Variants in CACNA2D3 observed in about 807,000 individuals in gnomAD.
CACNA2D3 encodes the protein calcium voltage-gated channel auxiliary subunit alpha2delta 3, also known as voltage-dependent calcium channel subunit alpha-2/delta-3.
Under a neutral mutation model 160.6 loss-of-function variants are expected in CACNA2D3, and 60 were observed. The ratio of observed to expected loss-of-function variants is 0.37; its 90% CI spans 0.30 to 0.46. The LOEUF (loss-of-function observed/expected upper bound fraction) is 0.46. Among genes scored for constraint, CACNA2D3 ranks in the 20% least tolerant of loss-of-function variants. The pLI, the probability that CACNA2D3 is intolerant of heterozygous loss-of-function variation, is 1.00. For synonymous variants in CACNA2D3, 558 were observed against 492.9 expected (o/e 1.13, Z -1.75); for missense variants, 1,205 against 1,365.0 (o/e 0.88, Z 1.85).
chr3:54,487,903 C>T (rs1005548130), intron 4 of CACNA2D3, among the ~76,000 whole-genome samples: 91 of 152,260 alleles, frequency 6.0e-4, no homozygotes, highest in African/African-American at 2.1e-3. Flanking sequence ...AGGTACAGAA[C>T]ATGCCCATCA....
At chr3:54,404,492 A>T (rs1699534776) in intron 4 of CACNA2D3, among the ~76,000 whole-genome samples, 1 of 152,184 alleles carries the variant, frequency 6.6e-6, no homozygotes, top group Non-Finnish European at 1.5e-5. Flanking sequence ...TCAGCATAAT[A>T]AAGTTCATTT....
intron 2 of CACNA2D3, among the ~76,000 whole-genome samples, chr3:54,309,491 C>T (rs557738849): frequency 6.6e-6 from 1 of 152,156 alleles, no homozygotes; most frequent in South Asian, 2.1e-4. Context: ...TCTTTTAATT[C>T]AGAACCTGAC....
In CACNA2D3 at chr3:54,393,354, CT is replaced by C. The variant is rs138304232; in HGVS notation, c.381+6581del. 2.2e-3 allele frequency among the ~76,000 whole-genome samples: 332 copies of C among 152,330 alleles called. 2 individuals are homozygous for C. Among genetic ancestry groups the C allele is most frequent in the African/African-American group, 7.1e-3 (297 of 41,582 alleles). On this transcript the variant is annotated intron_variant, in intron 4 of 37. Coordinates refer to ENST00000474759, the MANE Select transcript of CACNA2D3 (RefSeq NM_018398.3). Reference sequence around the variant, plus strand: ...AGCAGCTGACACTGTGTCCTGTCCCCTGTGACCCATGTGGGTACTGCACCGT... The same window carrying C: ...AGCAGCTGACACTGTGTCCTGTCCCCGTGACCCATGTGGGTACTGCACCGT...
At chr3:54,807,234 C>T (rs1326772864) in intron 13 of CACNA2D3, among the ~76,000 whole-genome samples, 1 of 152,150 alleles carries the variant, frequency 6.6e-6, no homozygotes, top group Non-Finnish European at 1.5e-5. Flanking sequence ...AGCTTCTGCA[C>T]AGCGAAAGAA....
At chr3:54,715,535 G>A (rs1288337358) in intron 11 of CACNA2D3, among the ~76,000 whole-genome samples, 2 of 151,998 alleles carry the variant, frequency 1.3e-5, no homozygotes, top group East Asian at 1.9e-4. Context: ...AGGTAGAGAG[G>A]AGGCCTGAAA....
intron 29 of CACNA2D3, among the ~76,000 whole-genome samples, chr3:54,971,653 C>G (rs190769326): frequency 6.6e-6 from 1 of 152,162 alleles, no homozygotes. Context: ...ACCCACACTG[C>G]CTCAGTGCAT....
At chr3:54,342,049 ATTAAG>A (rs1183086164) in intron 3 of CACNA2D3, among the ~76,000 whole-genome samples, 1 of 152,196 alleles carries the variant, frequency 6.6e-6, no homozygotes, top group Non-Finnish European at 1.5e-5. Flanking sequence ...TCACAGAGCT[ATTAAG>A]TTATTTGCCA....
At chr3:54,845,233 A>C (rs1218858322) in intron 16 of CACNA2D3, among the ~76,000 whole-genome samples, 2 of 152,216 alleles carry the variant, frequency 1.3e-5, no homozygotes, top group Non-Finnish European at 2.9e-5. Context: ...GAAACTTTTA[A>C]TTGCCAGTGT....
chr3:54,800,425 A>G (rs1338398454), intron 13 of CACNA2D3, among the ~76,000 whole-genome samples: 4 of 152,232 alleles, frequency 2.6e-5, no homozygotes, highest in East Asian at 1.9e-4. Context: ...TCCAATTCAG[A>G]TCACTTTTCA....
intron 13 of CACNA2D3, among the ~76,000 whole-genome samples, chr3:54,791,039 T>A (rs1702745137): frequency 3.6e-5 from 2 of 55,464 alleles, no homozygotes; most frequent in African/African-American, 2.4e-4. Context: ...ACCTTCTTTG[T>A]ATTTTTTTTT....
intron 31 of CACNA2D3, among the ~76,000 whole-genome samples, chr3:54,993,136 C>T (rs1702778929): frequency 6.6e-6 from 1 of 152,150 alleles, no homozygotes; most frequent in East Asian, 1.9e-4. Flanking sequence ...GATTATAGTT[C>T]AACATGAAAT....
intron 4 of CACNA2D3, among the ~76,000 whole-genome samples, chr3:54,408,325 A>G: frequency 6.6e-6 from 1 of 152,128 alleles, no homozygotes; most frequent in East Asian, 1.9e-4. Context: ...ATAATATCGT[A>G]ATTTTCCACA....
At chr3:54,962,860 G>A (rs1233751002) in intron 27 of CACNA2D3, among the ~76,000 whole-genome samples, 1 of 152,160 alleles carries the variant, frequency 6.6e-6, no homozygotes, top group Admixed American at 6.5e-5. Context: ...AACCAGATCT[G>A]TGCCCCTCTA....
At chr3:54,369,119 A>G (rs1236967453) in intron 3 of CACNA2D3, among the ~76,000 whole-genome samples, 1 of 152,132 alleles carries the variant, frequency 6.6e-6, no homozygotes, top group Non-Finnish European at 1.5e-5. Flanking sequence ...GTATACATAT[A>G]TCAGTGTCTA....
intron 4 of CACNA2D3, among the ~76,000 whole-genome samples, chr3:54,488,961 G>A (rs1701063374): frequency 6.6e-6 from 1 of 152,186 alleles, no homozygotes; most frequent in Admixed American, 6.5e-5. Flanking sequence ...CCAGGATTGT[G>A]TGAGCAGAAG....
intron 35 of CACNA2D3, among the ~76,000 whole-genome samples, chr3:55,039,421 G>T (rs917449026): frequency 6.6e-6 from 1 of 152,212 alleles, no homozygotes; most frequent in African/African-American, 2.4e-5. Context: ...ATTGTGAAAT[G>T]TTTTCTGTGG....
At chr3:55,068,614 G>T (rs148850596) in intron 35 of CACNA2D3, among the ~76,000 whole-genome samples, 1 of 151,722 alleles carries the variant, frequency 6.6e-6, no homozygotes. Flanking sequence ...GGTACTTTAC[G>T]TATAGTTTTA....
At chr3:54,667,422 A>G (rs1248965864) in intron 11 of CACNA2D3, among the ~76,000 whole-genome samples, 1 of 152,200 alleles carries the variant, frequency 6.6e-6, no homozygotes, top group Admixed American at 6.5e-5. Context: ...AGAAGGTCAG[A>G]TGCCATTTGT....
intron 35 of CACNA2D3, among the ~76,000 whole-genome samples, chr3:55,059,456 G>T (rs980451784): frequency 6.6e-6 from 1 of 152,194 alleles, no homozygotes; most frequent in African/African-American, 2.4e-5. Flanking sequence ...TGGCTTGTCT[G>T]TTCTGGCTGT....
Sources: gnomAD v4.1 joint callset for allele counts (sites outside exome capture counted in the v4.1 genomes callset) on GRCh38, gnomAD v4.1.1 for gene constraint, MANE v1.5 for transcripts, NCBI Gene and HGNC (gene_info 2026-07-23, HGNC 2026-07-21) for gene names.